The following ZFP90 variants were observed in gnomAD, a reference collection of about 807,000 sequenced individuals.
ZFP90 encodes zinc finger protein 90 homolog.
A neutral mutation model predicts 60.8 loss-of-function variants in ZFP90; 38 were observed. That is an observed-to-expected ratio of 0.62 (90% CI 0.48 to 0.82). The LOEUF (loss-of-function observed/expected upper bound fraction) is 0.82. Ranked by LOEUF, ZFP90 falls within the 40% of genes least tolerant of loss-of-function variation. The pLI is 0.00. For synonymous variants in ZFP90, 287 were observed against 264.8 expected (o/e 1.08, Z -0.82); for missense variants, 711 against 759.1 (o/e 0.94, Z 0.74).
In ZFP90 at chr16:68,558,023, C is replaced by CTG; in HGVS notation, c.62_63dup (p.Asp22TrpfsTer22). The CTG allele has an allele frequency of 6.2e-7, 1 of 1,613,742 alleles. No homozygotes were observed. Among genetic ancestry groups the CTG allele is most frequent in the Non-Finnish European group, 8.5e-7 (1 of 1,179,936 alleles). On this transcript the variant is annotated frameshift_variant, in exon 3 of 5. Transcript: ENST00000563169. LOFTEE classifies it high-confidence loss of function. ...GAATCAGTGACATTCAAAGATGTGT[C>CTG]TGTGGACTTCACCCAGGAAGAATGG...
chr16:68,572,601 G>A (rs934820605), intron 2 of ZFP90, among the ~76,000 whole-genome samples: 2 of 152,192 alleles, frequency 1.3e-5, no homozygotes, highest in African/African-American at 4.8e-5. Flanking sequence ...TGATCCAGAG[G>A]AGATGGGCCT....
chr16:68,557,798 GC>G (rs2091369355), intron 2 of ZFP90, among the ~76,000 whole-genome samples, 199 bp from the exon 3 acceptor site: 1 of 148,186 alleles, frequency 6.7e-6, no homozygotes, highest in Admixed American at 6.8e-5. Context: ...AGGACAAATT[GC>G]CCCTCATAAC....
At chr16:68,550,181 A>C (rs2091235003) in intron 2 of ZFP90, among the ~76,000 whole-genome samples, 1 of 152,228 alleles carries the variant, frequency 6.6e-6, no homozygotes, top group African/African-American at 2.4e-5. Flanking sequence ...TCTACATGTG[A>C]TAAATGTTTT....
At chr16:68,539,243 C>G (rs1020514333), upstream of ZFP90, 1 of 153,046 alleles carries the variant, frequency 6.5e-6, no homozygotes, top group East Asian at 1.9e-4. Context: ...TTCGCGCGCC[C>G]GGCGTGGACC....
chr16:68,538,756 T>C (rs2090982154), upstream of ZFP90, among the ~76,000 whole-genome samples: 1 of 151,462 alleles, frequency 6.6e-6, no homozygotes, highest in Non-Finnish European at 1.5e-5. Context: ...CCAAACAAAA[T>C]CCTGCGTAAG....
At chr16:68,535,312 T>A (rs1033676428), upstream of ZFP90, among the ~76,000 whole-genome samples, 2 of 152,216 alleles carry the variant, frequency 1.3e-5, no homozygotes, top group Non-Finnish European at 2.9e-5. Context: ...GGGAAAGATA[T>A]CCACCAACGC....
At chr16:68,535,198 A>G (rs1451440798), upstream of ZFP90, among the ~76,000 whole-genome samples, 1 of 152,156 alleles carries the variant, frequency 6.6e-6, no homozygotes, top group Non-Finnish European at 1.5e-5. Flanking sequence ...TTAGCCGAGA[A>G]CCAATTTAAA....
chr16:68,556,194 A>T (rs374553700), intron 2 of ZFP90, among the ~76,000 whole-genome samples: 3 of 152,244 alleles, frequency 2.0e-5, no homozygotes, highest in African/African-American at 4.8e-5. Context: ...AACCAAAAGT[A>T]CATAGCTCAA....
At chr16:68,543,995 G>A (rs1261735825) in intron 2 of ZFP90, among the ~76,000 whole-genome samples, 4 of 151,914 alleles carry the variant, frequency 2.6e-5, no homozygotes, top group African/African-American at 9.7e-5. Flanking sequence ...TGGGATTACA[G>A]GTGTGCACCA....
rs2091520078 is a variant in ZFP90 at position 68,565,969 on chromosome 16, A to G, written c.*1271A>G. 1 of 803,678 alleles carries G rather than the reference A, an allele frequency of 1.2e-6. No homozygotes were observed. Among genetic ancestry groups the G allele is most frequent in the Admixed American group, 6.2e-5 (1 of 16,004 alleles). The allele number at this position is 803,678 out of a possible 1,614,324, so 49.8% of individuals were successfully genotyped here. A position where few individuals can be genotyped will look rare whatever the true frequency, so the allele number is the denominator to read the frequency against. ...GTGAAACCCCATCTCTTTAAAAAAA[A>G]AAAAAAATCCAAAAATTAGCTGGGC... On this transcript the variant is annotated 3_prime_UTR_variant, in exon 5 of 5. Coordinates refer to ENST00000563169, the MANE Select transcript of ZFP90 (RefSeq NM_001305203.2).
chr16:68,569,302 A>G (rs997441789), downstream of ZFP90, among the ~76,000 whole-genome samples: 1 of 151,854 alleles, frequency 6.6e-6, no homozygotes, highest in Non-Finnish European at 1.5e-5. Flanking sequence ...ATGCCCAGCT[A>G]TTTTTTGTAT....
rs116692998 is a variant in ZFP90, at chr16:68,551,507, C to T, written c.34-6491C>T. 4.9e-3 allele frequency among the ~76,000 whole-genome samples: 718 copies of T among 147,080 alleles called. 4 individuals are homozygous for T. Among genetic ancestry groups the T allele is most frequent in the African/African-American group, 0.017 (675 of 39,554 alleles). On this transcript the variant is annotated intron_variant, in intron 2 of 4. Transcript: ENST00000563169. ...CACAGTCTTGGCTTACTGCAAACTTCGTCTCCTGGGTTCAAGCAATTCTCC... is the reference window on the plus strand; with the variant it reads ...CACAGTCTTGGCTTACTGCAAACTTTGTCTCCTGGGTTCAAGCAATTCTCC...
upstream of ZFP90, among the ~76,000 whole-genome samples, chr16:68,539,062 C>T (rs2090985662): frequency 6.6e-6 from 1 of 152,220 alleles, no homozygotes; most frequent in African/African-American, 2.4e-5. Context: ...CGGCCGATTC[C>T]CCAGCTAGCA....
At position 68,566,934 on chromosome 16, in the gene ZFP90, C is replaced by T; in HGVS notation, c.*2236C>T. 1 of 985,582 alleles carries T rather than the reference C, an allele frequency of 1.0e-6. No homozygotes were observed. The highest frequency in any genetic ancestry group is 1.2e-6 in the Non-Finnish European group (1 of 829,950). The allele number at this position is 985,582 out of a possible 1,614,324, so 61.1% of individuals were successfully genotyped here. ...TGTTTGGTGCTTGGCCTAGATCCAG[C>T]CACCACTCTGAAACTCAGCACATCT... On this transcript the variant is annotated 3_prime_UTR_variant, in exon 5 of 5. Coordinates refer to ENST00000563169, the MANE Select transcript of ZFP90 (RefSeq NM_001305203.2).
At chr16:68,557,864 G>A in intron 2 of ZFP90, 134 bp from the exon 3 acceptor site, 1 of 1,229,650 alleles carries the variant, frequency 8.1e-7, no homozygotes, top group South Asian at 1.3e-5. Context: ...ATAAGTTTAT[G>A]TAACCCAACA....
intron 2 of ZFP90, among the ~76,000 whole-genome samples, chr16:68,572,636 C>T (rs139209669): frequency 2.8e-3 from 420 of 152,302 alleles, no homozygotes; most frequent in Middle Eastern, 0.01. Flanking sequence ...GAAGCCCCTA[C>T]CCTGCCCCTA....
rs2091534714 is a variant in ZFP90, at chr16:68,566,777, GTTGT to G, written c.*2083_*2086del. On this transcript the variant is annotated 3_prime_UTR_variant, in exon 5 of 5. Transcript: ENST00000563169. ...CTGTCAGGAACTCATTATGCTACTG[GTTGT>G]TTGGGGATCCCCATAGTGGACTACT... The G allele has an allele frequency of 5.1e-6, 5 of 985,426 alleles. No individual in the cohort carries two copies. The African/African-American group carries it at 7.0e-5, about 14-fold the overall frequency. 61.0% of individuals were successfully genotyped at this position (985,426 alleles called of 1,614,324 possible).
chr16:68,538,062 G>A (rs533865842), upstream of ZFP90, among the ~76,000 whole-genome samples: 6 of 152,132 alleles, frequency 3.9e-5, no homozygotes, highest in South Asian at 2.1e-4. Flanking sequence ...ACAGGCATGC[G>A]CCACCAAGCC....
intron 2 of ZFP90, chr16:68,557,312 C>G (rs1316356045): frequency 2.2e-6 from 1 of 454,456 alleles, no homozygotes; most frequent in East Asian, 7.0e-5. Context: ...CCCGCGTGCC[C>G]TGTCGCATTT....
Sources: gnomAD v4.1 joint callset for allele counts (sites outside exome capture counted in the v4.1 genomes callset) on GRCh38, gnomAD v4.1.1 for gene constraint, MANE v1.5 for transcripts, NCBI Gene and HGNC (gene_info 2026-07-23, HGNC 2026-07-21) for gene names.